The following ESR1 variants were observed in gnomAD, a reference collection of about 807,000 sequenced individuals.
The protein encoded by ESR1 is estrogen receptor 1, also known as estrogen receptor.
A neutral mutation model predicts 52.7 loss-of-function variants in ESR1; 12 were observed. The ratio of observed to expected loss-of-function variants is 0.23; its 90% CI spans 0.15 to 0.37. ESR1 has a LOEUF of 0.37. ESR1 is among the 10% of genes least tolerant of loss of function. The probability of loss-of-function intolerance (pLI) is 1.00; values close to 1 mark genes in which losing one functional copy is unlikely to be tolerated. For missense variants in ESR1, 584 were observed against 779.7 expected (o/e 0.75, Z 2.99); for synonymous variants, 305 against 316.8 (o/e 0.96, Z 0.39).
chr6:151,843,654 T>A (rs1359723139), intron 2 of ESR1, among the ~76,000 whole-genome samples: 3 of 152,218 alleles, frequency 2.0e-5, no homozygotes, highest in African/African-American at 7.2e-5. Flanking sequence ...TCTCTCTTCT[T>A]ATTCTTTACC....
intron 4 of ESR1, among the ~76,000 whole-genome samples, chr6:151,955,803 C>T (rs1032356933): frequency 6.6e-6 from 1 of 152,130 alleles, no homozygotes; most frequent in Non-Finnish European, 1.5e-5. Context: ...GGGCTTGGTA[C>T]ACAGATTATT....
At chr6:151,803,398 G>A (rs986962713), upstream of ESR1, among the ~76,000 whole-genome samples, 13 of 152,126 alleles carry the variant, frequency 8.5e-5, no homozygotes, top group African/African-American at 2.9e-4. Context: ...CAAGAAAGTG[G>A]GGATTTAAGG....
intron 3 of ESR1, among the ~76,000 whole-genome samples, chr6:151,923,430 G>A (rs1170357416): frequency 6.6e-6 from 1 of 152,080 alleles, no homozygotes; most frequent in Non-Finnish European, 1.5e-5. Flanking sequence ...TTCTATCGCT[G>A]TAGCATAGAA....
intron 4 of ESR1, among the ~76,000 whole-genome samples, chr6:152,005,515 C>G (rs80108742): frequency 2.0e-5 from 3 of 151,942 alleles, no homozygotes; most frequent in Non-Finnish European, 4.4e-5. Flanking sequence ...AAACATTTCT[C>G]TTGGTGTTTT....
At chr6:152,023,211 A>G (rs73009834) in intron 5 of ESR1, among the ~76,000 whole-genome samples, 8,328 of 152,260 alleles carry the variant, frequency 0.055, 297 homozygotes, top group South Asian at 0.1. Context: ...AAAAGGAACT[A>G]TAAACCAGCT....
At chr6:151,976,959 G>A (rs572150055) in intron 4 of ESR1, among the ~76,000 whole-genome samples, 11 of 152,052 alleles carry the variant, frequency 7.2e-5, no homozygotes, top group Non-Finnish European at 1.5e-4. Flanking sequence ...GGTTTTTGAA[G>A]TCTTTAAGAA....
At chr6:151,743,777 A>G (rs1201506355) in intron 2 of ESR1, among the ~76,000 whole-genome samples, 1 of 152,208 alleles carries the variant, frequency 6.6e-6, no homozygotes, top group Non-Finnish European at 1.5e-5. Context: ...TACAATTAAT[A>G]TACCACAAAA....
intron 3 of ESR1, among the ~76,000 whole-genome samples, chr6:151,923,572 T>A (rs1193433736): frequency 6.6e-6 from 1 of 152,216 alleles, no homozygotes; most frequent in Non-Finnish European, 1.5e-5. Context: ...ATAATTGAAA[T>A]CATACAATAT....
chr6:152,063,756 C>T (rs548870300), intron 6 of ESR1, among the ~76,000 whole-genome samples: 19 of 152,224 alleles, frequency 1.2e-4, no homozygotes, highest in African/African-American at 4.6e-4. Flanking sequence ...AGAAGCCAAG[C>T]TGGAAACGGC....
At chr6:152,062,891 A>G (rs1364470187) in intron 6 of ESR1, among the ~76,000 whole-genome samples, 1 of 152,212 alleles carries the variant, frequency 6.6e-6, no homozygotes, top group Non-Finnish European at 1.5e-5. Context: ...CTCCAGATCC[A>G]TATAGACTTT....
At chr6:151,696,166 C>T (rs1227489865) in intron 1 of ESR1, among the ~76,000 whole-genome samples, 1 of 152,026 alleles carries the variant, frequency 6.6e-6, no homozygotes, top group East Asian at 1.9e-4. Context: ...TCTCTATTCC[C>T]AGCTAGATTA....
At chr6:151,730,267 C>T (rs1782143819) in intron 2 of ESR1, among the ~76,000 whole-genome samples, 1 of 152,036 alleles carries the variant, frequency 6.6e-6, no homozygotes, top group Non-Finnish European at 1.5e-5. Flanking sequence ...GCTGCTCTAT[C>T]CCTGCATCCT....
At chr6:151,701,103 C>CAACCATGT (rs1241682860) in intron 1 of ESR1, among the ~76,000 whole-genome samples, 2 of 152,170 alleles carry the variant, frequency 1.3e-5, no homozygotes. Flanking sequence ...ACTGCTTTTT[C>CAACCATGT]AACCATGTAA....
At chr6:151,677,377 A>G (rs1778288223) in intron 1 of ESR1, among the ~76,000 whole-genome samples, 1 of 152,128 alleles carries the variant, frequency 6.6e-6, no homozygotes, top group African/African-American at 2.4e-5. Flanking sequence ...AATATCTCCA[A>G]ATGATTTTTA....
chr6:152,014,525 A>C (rs925494421), intron 5 of ESR1, among the ~76,000 whole-genome samples: 1 of 152,044 alleles, frequency 6.6e-6, no homozygotes, highest in African/African-American at 2.4e-5. Flanking sequence ...CAACAAGTCT[A>C]TTCCTTTTCT....
At chr6:151,802,992 CAA>C (rs34766229), upstream of ESR1, among the ~76,000 whole-genome samples, 528 of 120,724 alleles carry the variant, frequency 4.4e-3, 7 homozygotes, top group East Asian at 0.032. Context: ...AACTCTGTCT[CAA>C]AAAAAAAAAA....
intron 2 of ESR1, among the ~76,000 whole-genome samples, chr6:151,854,027 C>A (rs1461608353): frequency 6.6e-6 from 1 of 152,118 alleles, no homozygotes; most frequent in East Asian, 1.9e-4. Flanking sequence ...TGGCCTAATT[C>A]CACCAAATTT....
intron 3 of ESR1, among the ~76,000 whole-genome samples, chr6:151,928,258 T>A (rs1174769522): frequency 6.6e-6 from 1 of 152,162 alleles, no homozygotes; most frequent in African/African-American, 2.4e-5. Context: ...TACCAAACAT[T>A]ATCGCTTAGC....
chr6:151,806,786 G>A (rs955429635), upstream of ESR1, among the ~76,000 whole-genome samples: 10 of 151,810 alleles, frequency 6.6e-5, no homozygotes, highest in African/African-American at 2.4e-4. Flanking sequence ...GCTTTGGTTC[G>A]TGACCTGAGG....
Sources: gnomAD v4.1 joint callset for allele counts (sites outside exome capture counted in the v4.1 genomes callset) on GRCh38, gnomAD v4.1.1 for gene constraint, MANE v1.5 for transcripts, NCBI Gene and HGNC (gene_info 2026-07-23, HGNC 2026-07-21) for gene names.